Variants in DPP6 observed in about 807,000 individuals in gnomAD.
DPP6 encodes the protein A-type potassium channel modulatory protein DPP6.
DPP6 carries 69 observed loss-of-function variants against 122.6 expected under a neutral mutation model. The observed-to-expected ratio is 0.56, with a 90% CI of 0.46 to 0.69. DPP6 has a LOEUF of 0.69. Ranked by LOEUF, DPP6 falls within the 30% of genes least tolerant of loss-of-function variation. The probability of loss-of-function intolerance (pLI) is 0.00; values close to 1 mark genes in which losing one functional copy is unlikely to be tolerated. For missense variants in DPP6, 928 were observed against 1,116.9 expected (o/e 0.83, Z 2.41); for synonymous variants, 418 against 433.1 (o/e 0.97, Z 0.43).
At chr7:153,770,700 AAAAT>A in the DPP6 span, among the ~76,000 whole-genome samples, 4 of 152,224 alleles carry the variant, frequency 2.6e-5, no homozygotes, top group African/African-American at 9.6e-5. Flanking sequence ...CAGATAATTT[AAAAT>A]AACTATGACT....
chr7:153,873,186 A>G, the DPP6 span, among the ~76,000 whole-genome samples: 489 of 152,320 alleles, frequency 3.2e-3, 4 homozygotes, highest in African/African-American at 0.011. Flanking sequence ...ACCGGCTCCC[A>G]TGGGAATCAT....
At chr7:154,691,455 T>C (rs1176400571) in intron 7 of DPP6, among the ~76,000 whole-genome samples, 2 of 152,198 alleles carry the variant, frequency 1.3e-5, no homozygotes, top group African/African-American at 4.8e-5. Flanking sequence ...TGGTGTTCCA[T>C]TTATAGTAGT....
chr7:154,164,008 A>G (rs1292554597), intron 1 of DPP6, among the ~76,000 whole-genome samples: 1 of 151,474 alleles, frequency 6.6e-6, no homozygotes, highest in Non-Finnish European at 1.5e-5. Flanking sequence ...CCTTTCCTCC[A>G]CTCGATGCCT....
chr7:154,412,957 C>T (rs1365255133), intron 1 of DPP6, among the ~76,000 whole-genome samples: 1 of 152,240 alleles, frequency 6.6e-6, no homozygotes, highest in African/African-American at 2.4e-5. Flanking sequence ...TAGGGAAATA[C>T]CTTGTGTTGC....
At chr7:154,029,758 A>G (rs1195231925) in intron 1 of DPP6, among the ~76,000 whole-genome samples, 3 of 151,124 alleles carry the variant, frequency 2.0e-5, no homozygotes, top group Non-Finnish European at 4.4e-5. Context: ...AGGCAGGAGA[A>G]TGGCGTGAAC....
Position 154,618,971 on chromosome 7 carries a change from A to G in DPP6, c.628-18850A>G, listed in dbSNP as rs1010257136. ...TGAATCATGGGGGCAGGTTTTTCCC[A>G]TGCTGTTCTCGTGAGAGTAAATGAG... On this transcript the variant is annotated intron_variant, in intron 5 of 25. Transcript: ENST00000377770. The surrounding 1 kb of genome is among the most constrained non-coding windows in gnomAD (Gnocchi z 4.1). 4.6e-5 allele frequency among the ~76,000 whole-genome samples: 7 copies of G among 152,110 alleles called. No homozygotes were observed. The highest frequency in any genetic ancestry group is 1.7e-4 in the African/African-American group (7 of 41,418).
chr7:154,836,231 GC>G (rs1214130165), intron 16 of DPP6, among the ~76,000 whole-genome samples: 2 of 152,252 alleles, frequency 1.3e-5, no homozygotes, highest in Non-Finnish European at 2.9e-5. Flanking sequence ...CGAAGATGCA[GC>G]CCCTTGCATG....
chr7:154,027,871 C>T (rs1321586995), intron 1 of DPP6, among the ~76,000 whole-genome samples: 3 of 151,748 alleles, frequency 2.0e-5, no homozygotes, highest in Admixed American at 1.3e-4. Flanking sequence ...TCTGTCTGCA[C>T]CTATCATACT....
chr7:153,904,166 C>A (rs1799750515), intron 1 of DPP6, among the ~76,000 whole-genome samples: 1 of 152,158 alleles, frequency 6.6e-6, no homozygotes. Context: ...ATTCTCCTGC[C>A]TCAGCCTCCC....
At chr7:154,211,705 G>A (rs955918445) in intron 1 of DPP6, among the ~76,000 whole-genome samples, 1 of 152,132 alleles carries the variant, frequency 6.6e-6, no homozygotes, top group Non-Finnish European at 1.5e-5. Flanking sequence ...TGCGGAAACT[G>A]TTTACTCAGA....
chr7:154,219,051 ATCTC>A (rs1800158215), intron 1 of DPP6, among the ~76,000 whole-genome samples: 2 of 152,330 alleles, frequency 1.3e-5, no homozygotes, highest in East Asian at 3.9e-4. Flanking sequence ...TGTACACTGA[ATCTC>A]TATCATTCTG....
intron 1 of DPP6, among the ~76,000 whole-genome samples, chr7:154,061,614 C>G (rs1326650207): frequency 7.0e-6 from 1 of 142,372 alleles, no homozygotes; most frequent in East Asian, 2.0e-4. Context: ...GGACTCCCAT[C>G]ACAGGGGGGG....
At chr7:154,644,756 TGAAGTGCA>T (rs1174811638) in intron 6 of DPP6, among the ~76,000 whole-genome samples, 1 of 149,996 alleles carries the variant, frequency 6.7e-6, no homozygotes, top group Non-Finnish European at 1.5e-5. Flanking sequence ...GTCACCAGGT[TGAAGTGCA>T]GTGGCGCGAT....
chr7:154,529,012 T>C (rs1827635466), intron 3 of DPP6, among the ~76,000 whole-genome samples: 1 of 152,170 alleles, frequency 6.6e-6, no homozygotes. Flanking sequence ...TTGACTAAAA[T>C]AGTTTCTGCC....
chr7:154,050,895 A>G (rs897688259), upstream of DPP6, among the ~76,000 whole-genome samples: 1 of 147,952 alleles, frequency 6.8e-6, no homozygotes, highest in Non-Finnish European at 1.5e-5. Flanking sequence ...TAAACCAAAA[A>G]CTACACACTG....
At chr7:153,754,732 T>A in the DPP6 span, among the ~76,000 whole-genome samples, 1 of 152,216 alleles carries the variant, frequency 6.6e-6, no homozygotes, top group Non-Finnish European at 1.5e-5. Context: ...TACTTTTCTC[T>A]CTCTTTTTCA....
chr7:154,786,743 T>C (rs990508519), intron 10 of DPP6, among the ~76,000 whole-genome samples: 1 of 152,212 alleles, frequency 6.6e-6, no homozygotes, highest in Non-Finnish European at 1.5e-5. Flanking sequence ...CAAATCACCT[T>C]TTTTCTTTCC....
intron 1 of DPP6, among the ~76,000 whole-genome samples, chr7:154,014,478 A>C (rs1389130805): frequency 6.6e-6 from 1 of 150,896 alleles, no homozygotes; most frequent in East Asian, 2.0e-4. Context: ...AACATGGTGA[A>C]ACCCCAGCTC....
At chr7:154,449,835 A>G (rs919988920) in intron 2 of DPP6, among the ~76,000 whole-genome samples, 8 of 151,464 alleles carry the variant, frequency 5.3e-5, no homozygotes, top group Non-Finnish European at 8.8e-5. Flanking sequence ...TTGAAACCCC[A>G]TCTCTACTAA....
Sources: allele counts gnomAD v4.1 joint callset (sites outside exome capture counted in the v4.1 genomes callset), GRCh38; gene constraint gnomAD v4.1.1; non-coding constraint Gnocchi (gnomAD v3.1); transcripts MANE v1.5; gene names NCBI Gene and HGNC (gene_info 2026-07-23, HGNC 2026-07-21).